Variants in PHF21B observed in about 807,000 individuals in gnomAD.
PHF21B encodes PHD finger protein 21B.
Under a neutral mutation model 62.2 loss-of-function variants are expected in PHF21B, and 22 were observed. That is an observed-to-expected ratio of 0.35 (90% confidence interval 0.25 to 0.51). The LOEUF is 0.51. Ranked by LOEUF, PHF21B falls within the 20% of genes least tolerant of loss-of-function variation. PHF21B has a pLI of 0.97. For synonymous variants in PHF21B, 341 were observed against 314.7 expected, an observed-to-expected ratio of 1.08 and a Z score of -0.88; for missense variants, 701 against 707.9, an observed-to-expected ratio of 0.99 and a Z score of 0.11.
chr22:44,909,976 C>T (rs9626258), intron 5 of PHF21B, among the ~76,000 whole-genome samples: 18,141 of 152,246 alleles, frequency 0.12, 1,352 homozygotes, highest in African/African-American at 0.22. Context: ...TGTCTTTACC[C>T]ATGGAAGTGA....
At chr22:45,001,550 A>C (rs1189086333) in intron 2 of PHF21B, among the ~76,000 whole-genome samples, 2 of 152,170 alleles carry the variant, frequency 1.3e-5, no homozygotes, top group Non-Finnish European at 2.9e-5. Flanking sequence ...TGCCTCCCCA[A>C]CTGCATGTGA....
intron 2 of PHF21B, among the ~76,000 whole-genome samples, chr22:44,928,883 C>G (rs1196569515): frequency 6.6e-6 from 1 of 152,244 alleles, no homozygotes; most frequent in African/African-American, 2.4e-5. Context: ...AGAGGCCCCC[C>G]ACCCCTCACC....
At chr22:44,883,539 C>A (rs1173822493) in intron 12 of PHF21B, among the ~76,000 whole-genome samples, 1 of 152,166 alleles carries the variant, frequency 6.6e-6, no homozygotes, top group African/African-American at 2.4e-5. Context: ...TGCCTGGGAA[C>A]GTCCTTCCCA....
intron 2 of PHF21B, chr22:45,002,099 T>C (rs767489339): frequency 6.6e-6 from 1 of 152,236 alleles, no homozygotes; most frequent in Non-Finnish European, 1.5e-5. Flanking sequence ...TGTTAATTAT[T>C]TTCCTGACTT....
At chr22:44,934,434 GT>G (rs1042752951) in intron 2 of PHF21B, among the ~76,000 whole-genome samples, 1 of 152,158 alleles carries the variant, frequency 6.6e-6, no homozygotes, top group South Asian at 2.1e-4. Flanking sequence ...ACGAGCAGGA[GT>G]TTTTTTCAGG....
chr22:44,959,900 CG>C (rs2072382647), intron 2 of PHF21B, among the ~76,000 whole-genome samples: 1 of 152,182 alleles, frequency 6.6e-6, no homozygotes, highest in Non-Finnish European at 1.5e-5. Context: ...CTGAGCCAAA[CG>C]TGAGGCAGCA....
At chr22:44,928,601 T>C (rs1335550961) in intron 2 of PHF21B, among the ~76,000 whole-genome samples, 2 of 152,174 alleles carry the variant, frequency 1.3e-5, no homozygotes, top group South Asian at 2.1e-4. Flanking sequence ...GTAGAGACAG[T>C]GTTTCACCAT....
intron 2 of PHF21B, among the ~76,000 whole-genome samples, chr22:44,934,266 G>A (rs766553734): frequency 3.2e-4 from 49 of 152,166 alleles, no homozygotes; most frequent in African/African-American, 9.4e-4. Context: ...CCCTGTCCTG[G>A]AGCGTGGCGG....
At chr22:44,930,681 C>T (rs4823264) in intron 2 of PHF21B, among the ~76,000 whole-genome samples, 44,060 of 152,158 alleles carry the variant, frequency 0.29, 7,181 homozygotes, top group African/African-American at 0.43. Context: ...ACCAGGGGCC[C>T]TGAATCCATC....
At chr22:44,890,308 C>A (rs1338900279) in intron 8 of PHF21B, among the ~76,000 whole-genome samples, 1 of 152,218 alleles carries the variant, frequency 6.6e-6, no homozygotes, top group African/African-American at 2.4e-5. Context: ...TCTTTTTAAA[C>A]TGTAATCCAC....
intron 2 of PHF21B, among the ~76,000 whole-genome samples, chr22:44,945,717 G>T (rs1204880817): frequency 6.6e-4 from 12 of 18,184 alleles, no homozygotes; most frequent in East Asian, 1.6e-3. Flanking sequence ...TGGCAGAATT[G>T]GGGGGGGGGT....
intron 2 of PHF21B, among the ~76,000 whole-genome samples, chr22:44,933,795 A>C (rs2071790899): frequency 6.6e-6 from 1 of 152,156 alleles, no homozygotes; most frequent in Admixed American, 6.5e-5. Flanking sequence ...GCCCCAAGCA[A>C]GTGAGGAATG....
At chr22:44,891,388 A>G (rs1267303692) in intron 7 of PHF21B, 28 bp from the exon 8 acceptor site, 8 of 1,610,102 alleles carry the variant, frequency 5.0e-6, no homozygotes, top group Non-Finnish European at 6.8e-6. Context: ...AAAACAACAC[A>G]CCCCATCATC....
At chr22:44,946,613 G>GT (rs1440644820) in intron 2 of PHF21B, among the ~76,000 whole-genome samples, 1 of 151,868 alleles carries the variant, frequency 6.6e-6, no homozygotes, top group African/African-American at 2.4e-5. Context: ...GACAGTGGTT[G>GT]TATGGATGGA....
At chr22:45,006,550 T>C (rs376968423) in intron 2 of PHF21B, among the ~76,000 whole-genome samples, 31 of 152,326 alleles carry the variant, frequency 2.0e-4, no homozygotes, top group African/African-American at 5.5e-4. Context: ...GCATGACAGA[T>C]AATAAATAGC....
intron 2 of PHF21B, among the ~76,000 whole-genome samples, chr22:44,946,995 T>G (rs533424807): frequency 6.6e-6 from 1 of 152,204 alleles, no homozygotes; most frequent in Admixed American, 6.5e-5. Context: ...CTGCGGCCAA[T>G]TGGCATCACT....
chr22:44,893,125 G>C (rs1019010894), intron 7 of PHF21B, among the ~76,000 whole-genome samples: 1 of 152,092 alleles, frequency 6.6e-6, no homozygotes, highest in African/African-American at 2.4e-5. Context: ...GGGAGGCCAG[G>C]GTGTCCAGCC....
chr22:45,009,573 G>A lies in PHF21B; in HGVS notation c.-24C>T, dbSNP rs753845271. 12 of 1,555,688 alleles carry A rather than the reference G, an allele frequency of 7.7e-6. No individual in the cohort carries two copies. The highest frequency in any genetic ancestry group is 1.0e-5 in the Non-Finnish European group (12 of 1,162,038). ...ATCCCGGCAACTTGGGCAGCACTTT[G>A]CGCTCACTTTGGCCCGGGCTCCCGG... On this transcript the variant is annotated 5_prime_UTR_variant, in exon 1 of 13. Coordinates refer to ENST00000313237, the MANE Select transcript of PHF21B (RefSeq NM_138415.5). The surrounding 1 kb of genome is among the most constrained non-coding windows in gnomAD (Gnocchi z 5.9).
At chr22:44,971,102 C>T (rs530653945) in intron 2 of PHF21B, 1 of 152,310 alleles carries the variant, frequency 6.6e-6, no homozygotes, top group Admixed American at 6.5e-5. Flanking sequence ...GTGATTAAAT[C>T]TAAAACCCTG....
Sources: gnomAD v4.1 joint callset for allele counts (sites outside exome capture counted in the v4.1 genomes callset) on GRCh38, gnomAD v4.1.1 for gene constraint, Gnocchi (gnomAD v3.1) non-coding constraint, MANE v1.5 for transcripts, NCBI Gene and HGNC (gene_info 2026-07-23, HGNC 2026-07-21) for gene names.